LRP1B: variants seen among roughly 807,000 people sequenced by gnomAD.
LRP1B encodes low-density lipoprotein receptor-related protein 1B.
In LRP1B, 217 loss-of-function variants were observed where a neutral mutation model predicts 556.6. The ratio of observed to expected loss-of-function variants is 0.39; its 90% CI spans 0.35 to 0.44. The LOEUF (loss-of-function observed/expected upper bound fraction) is 0.44. Ranked by LOEUF, LRP1B falls within the 20% of genes least tolerant of loss-of-function variation. The pLI, the probability that LRP1B is intolerant of heterozygous loss-of-function variation, is 1.00. For missense variants in LRP1B, 5,053 were observed against 5,620.8 expected (o/e 0.90, Z 3.23); for synonymous variants, 2,047 against 1,865.8 (o/e 1.10, Z -2.50).
At chr2:141,537,356 C>G (rs1685100853) in intron 2 of LRP1B, among the ~76,000 whole-genome samples, 1 of 151,886 alleles carries the variant, frequency 6.6e-6, no homozygotes, top group South Asian at 2.1e-4. Context: ...TGAAGCTATG[C>G]AAGTAATTTA....
At chr2:140,421,903 C>A (rs1685460924) in intron 66 of LRP1B, among the ~76,000 whole-genome samples, 1 of 152,114 alleles carries the variant, frequency 6.6e-6, no homozygotes, top group African/African-American at 2.4e-5. Context: ...GCCACATCAC[C>A]CTTTCCATCC....
At chr2:141,941,483 C>T (rs565589355) in intron 1 of LRP1B, among the ~76,000 whole-genome samples, 2 of 152,194 alleles carry the variant, frequency 1.3e-5, no homozygotes, top group South Asian at 4.1e-4. Context: ...AGCCATAGGT[C>T]TTTCACCTAT....
At chr2:142,027,455 G>A (rs1405066889) in intron 1 of LRP1B, among the ~76,000 whole-genome samples, 1 of 151,356 alleles carries the variant, frequency 6.6e-6, no homozygotes, top group East Asian at 2.0e-4. Flanking sequence ...AATAAAATGA[G>A]GAAGACATAT....
chr2:141,357,624 G>A (rs947835335), intron 3 of LRP1B, among the ~76,000 whole-genome samples: 2 of 152,090 alleles, frequency 1.3e-5, no homozygotes, highest in Admixed American at 1.3e-4. Context: ...ACAATGTTGG[G>A]TTTAATAGAT....
intron 35 of LRP1B, among the ~76,000 whole-genome samples, chr2:140,761,843 T>C (rs1173605204): frequency 6.6e-6 from 1 of 152,174 alleles, no homozygotes; most frequent in African/African-American, 2.4e-5. Flanking sequence ...ATTATAAGCA[T>C]TGTTTTGTCT....
intron 3 of LRP1B, among the ~76,000 whole-genome samples, chr2:141,424,162 G>A (rs181335681): frequency 5.7e-4 from 83 of 144,374 alleles, no homozygotes; most frequent in African/African-American, 2.1e-3. Flanking sequence ...TGCCTGGGCT[G>A]GAGGGCAAAG....
At chr2:141,159,337 T>C (rs1702143346) in intron 7 of LRP1B, among the ~76,000 whole-genome samples, 2 of 152,020 alleles carry the variant, frequency 1.3e-5, no homozygotes, top group African/African-American at 4.8e-5. Flanking sequence ...TATATGCTCA[T>C]TAATTGATAC....
intron 3 of LRP1B, among the ~76,000 whole-genome samples, chr2:141,436,093 A>G (rs1353451643): frequency 2.6e-5 from 4 of 152,220 alleles, no homozygotes; most frequent in Non-Finnish European, 4.4e-5. Flanking sequence ...AAAATTTAGT[A>G]AAATGTCTAT....
intron 79 of LRP1B, among the ~76,000 whole-genome samples, chr2:140,330,850 A>G (rs1388485457): frequency 6.6e-6 from 1 of 152,152 alleles, no homozygotes; most frequent in African/African-American, 2.4e-5. Flanking sequence ...AGAATCTACA[A>G]GGAACTTAAA....
intron 86 of LRP1B, among the ~76,000 whole-genome samples, chr2:140,268,106 C>T (rs1245699772): frequency 6.6e-6 from 1 of 151,926 alleles, no homozygotes; most frequent in Non-Finnish European, 1.5e-5. Flanking sequence ...AGGGGCAGGA[C>T]AAATGAAGAC....
intron 16 of LRP1B, among the ~76,000 whole-genome samples, chr2:140,991,233 T>A (rs2105355340): frequency 6.6e-6 from 1 of 152,258 alleles, no homozygotes. Context: ...TGAGGCTTAA[T>A]CAAGGACTTT....
chr2:142,067,445 C>A (rs1257057948), intron 1 of LRP1B, among the ~76,000 whole-genome samples: 1 of 151,396 alleles, frequency 6.6e-6, no homozygotes, highest in African/African-American at 2.4e-5. Context: ...ATTTCATGTA[C>A]TTATCTGTCT....
At chr2:140,618,937 C>G (rs1210901967) in intron 41 of LRP1B, among the ~76,000 whole-genome samples, 1 of 152,044 alleles carries the variant, frequency 6.6e-6, no homozygotes, top group Non-Finnish European at 1.5e-5. Flanking sequence ...CCTCTAATTC[C>G]TGCACTTCCC....
chr2:140,242,010 T>A (rs973460434), intron 87 of LRP1B, among the ~76,000 whole-genome samples: 10 of 150,876 alleles, frequency 6.6e-5, no homozygotes, highest in Non-Finnish European at 1.5e-4. Flanking sequence ...TGAAACCTCA[T>A]CATGCAACAT....
At chr2:141,298,059 A>ATGTGACT (rs1211531864) in intron 3 of LRP1B, among the ~76,000 whole-genome samples, 2 of 152,176 alleles carry the variant, frequency 1.3e-5, no homozygotes, top group Admixed American at 1.3e-4. Context: ...ATGGTGATTT[A>ATGTGACT]TGTGACTTTA....
At chr2:141,113,712 G>GA (rs1199772889) in intron 7 of LRP1B, among the ~76,000 whole-genome samples, 3 of 151,092 alleles carry the variant, frequency 2.0e-5, no homozygotes, top group African/African-American at 4.9e-5. Context: ...ATTCATGGCA[G>GA]AAAAATTATT....
At chr2:140,390,056 G>C (rs1010883447) in intron 66 of LRP1B, among the ~76,000 whole-genome samples, 4 of 152,064 alleles carry the variant, frequency 2.6e-5, no homozygotes, top group Admixed American at 1.3e-4. Flanking sequence ...CTTGAGCCCA[G>C]GAGGCAGAGG....
At chr2:141,018,116 G>A (rs1266267920) in intron 12 of LRP1B, among the ~76,000 whole-genome samples, 3 of 151,770 alleles carry the variant, frequency 2.0e-5, no homozygotes, top group Non-Finnish European at 2.9e-5. Context: ...ACTAATACAA[G>A]TATTTTTTCT....
At chr2:141,964,927 T>C (rs1701512157) in intron 1 of LRP1B, among the ~76,000 whole-genome samples, 1 of 149,918 alleles carries the variant, frequency 6.7e-6, no homozygotes, top group South Asian at 2.1e-4. Flanking sequence ...CATCAAAAAG[T>C]GGGCGAGGGA....
Sources: allele counts gnomAD v4.1 joint callset (sites outside exome capture counted in the v4.1 genomes callset), GRCh38; gene constraint gnomAD v4.1.1; transcripts MANE v1.5; gene names NCBI Gene and HGNC (gene_info 2026-07-23, HGNC 2026-07-21).